NRG3: variants seen among roughly 807,000 people sequenced by gnomAD.
NRG3 encodes pro-neuregulin-3, membrane-bound isoform.
A neutral mutation model predicts 66.9 loss-of-function variants in NRG3; 31 were observed. The observed-to-expected ratio is 0.46, with a 90% confidence interval of 0.35 to 0.63. The LOEUF (loss-of-function observed/expected upper bound fraction) is 0.63. NRG3 is among the 20% of genes least tolerant of loss of function. NRG3 has a pLI of 0.00. For synonymous variants in NRG3, 393 were observed against 359.4 expected (o/e 1.09, Z -1.06); for missense variants, 910 against 878.9 (o/e 1.04, Z -0.45).
At chr10:82,917,508 G>T (rs955879415) in intron 4 of NRG3, among the ~76,000 whole-genome samples, 4 of 152,146 alleles carry the variant, frequency 2.6e-5, no homozygotes, top group Non-Finnish European at 5.9e-5. Flanking sequence ...TTAACCTGTA[G>T]CAGGTGGCAC....
rs142813398 is a variant in NRG3 at position 82,096,224 on chromosome 10, C to A, written c.823+220061C>A. On this transcript the variant is annotated intron_variant, in intron 1 of 8. Coordinates refer to ENST00000372141, the MANE Select transcript of NRG3 (RefSeq NM_001010848.4). ...GGGCACAGTGGCTCATGCCTGTAAT[C>A]CCAGCACTTTGGGAGGCTGAGGTGG... 9.9e-4 allele frequency among the ~76,000 whole-genome samples: 150 copies of A among 152,200 alleles called. 3 individuals carry two copies. The East Asian group carries it at 0.027, about 28-fold the overall frequency.
At chr10:82,403,554 C>G (rs181959637) in intron 2 of NRG3, among the ~76,000 whole-genome samples, 1 of 152,172 alleles carries the variant, frequency 6.6e-6, no homozygotes, top group Admixed American at 6.5e-5. Flanking sequence ...ACATTTTCCC[C>G]AATGACATCT....
intron 1 of NRG3, among the ~76,000 whole-genome samples, chr10:81,987,470 C>G (rs904570632): frequency 2.6e-5 from 4 of 152,192 alleles, no homozygotes; most frequent in African/African-American, 9.7e-5. Context: ...GAAACAATGA[C>G]TGCTATATTG....
At chr10:82,616,064 G>T (rs774812830) in intron 2 of NRG3, among the ~76,000 whole-genome samples, 35 of 152,124 alleles carry the variant, frequency 2.3e-4, no homozygotes, top group Non-Finnish European at 1.5e-4. Context: ...CATCCACAGG[G>T]ATGACTGCCA....
At chr10:82,233,694 C>T (rs1465798939) in intron 1 of NRG3, among the ~76,000 whole-genome samples, 2 of 152,178 alleles carry the variant, frequency 1.3e-5, no homozygotes, top group East Asian at 3.9e-4. Context: ...ACTCTTGCTT[C>T]TCCCTCAGTC....
chr10:82,714,310 A>T (rs193174493), intron 2 of NRG3, among the ~76,000 whole-genome samples: 1 of 152,322 alleles, frequency 6.6e-6, no homozygotes, highest in East Asian at 1.9e-4. Context: ...TGTTAAAAAA[A>T]AATGTGGATG....
At chr10:82,176,880 G>GACAC (rs142443398) in intron 1 of NRG3, among the ~76,000 whole-genome samples, 71,420 of 146,020 alleles carry the variant, frequency 0.49, 17,353 homozygotes, top group Middle Eastern at 0.61. Context: ...TTTAAAACAA[G>GACAC]ACACACACAC....
At chr10:82,624,918 T>TTATATA (rs569240183) in intron 2 of NRG3, among the ~76,000 whole-genome samples, 1 of 144,360 alleles carries the variant, frequency 6.9e-6, no homozygotes, top group East Asian at 2.0e-4. Flanking sequence ...TATATATATT[T>TTATATA]TATATATATA....
chr10:82,900,123 C>G (rs187165605), intron 4 of NRG3, among the ~76,000 whole-genome samples: 1 of 152,030 alleles, frequency 6.6e-6, no homozygotes, highest in Non-Finnish European at 1.5e-5. Context: ...TGGTGTCACA[C>G]TTTTAAAAGA....
chr10:82,666,006 C>A (rs1173633212), intron 2 of NRG3, among the ~76,000 whole-genome samples: 1 of 152,188 alleles, frequency 6.6e-6, no homozygotes, highest in East Asian at 1.9e-4. Context: ...AGGTTACAGG[C>A]ATGTGCCACC....
intron 2 of NRG3, among the ~76,000 whole-genome samples, chr10:82,496,864 C>G (rs1843677525): frequency 6.6e-6 from 1 of 152,138 alleles, no homozygotes; most frequent in Non-Finnish European, 1.5e-5. Flanking sequence ...GGATTTGAAT[C>G]TTTTAAAAAG....
chr10:82,371,193 C>T (rs866898794), intron 2 of NRG3, among the ~76,000 whole-genome samples: 10 of 152,026 alleles, frequency 6.6e-5, no homozygotes, highest in South Asian at 2.1e-4. Flanking sequence ...TATAGGGAAA[C>T]GCATTCTAGG....
intron 3 of NRG3, among the ~76,000 whole-genome samples, chr10:82,802,943 G>A (rs950987168): frequency 1.4e-4 from 21 of 152,028 alleles, no homozygotes; most frequent in Admixed American, 7.2e-4. Context: ...CAGAGTGTTG[G>A]GATTACAGAT....
chr10:82,464,881 C>T (rs1406120293), intron 2 of NRG3, among the ~76,000 whole-genome samples: 1 of 152,228 alleles, frequency 6.6e-6, no homozygotes, highest in African/African-American at 2.4e-5. Context: ...TTTCCCCCAG[C>T]TTCCAGCAGG....
intron 2 of NRG3, among the ~76,000 whole-genome samples, chr10:82,474,482 C>G (rs1841575063): frequency 6.6e-6 from 1 of 151,930 alleles, no homozygotes; most frequent in African/African-American, 2.4e-5. Context: ...GAAAATTTCA[C>G]TAGAAGGGTT....
chr10:82,193,890 G>A (rs2074304102), intron 1 of NRG3, among the ~76,000 whole-genome samples: 1 of 152,114 alleles, frequency 6.6e-6, no homozygotes, highest in African/African-American at 2.4e-5. Context: ...GAATAACCCT[G>A]GACCAGGGTG....
chr10:81,975,261 C>G (rs9971144), intron 1 of NRG3, among the ~76,000 whole-genome samples: 69,395 of 151,734 alleles, frequency 0.46, 20,089 homozygotes, highest in African/African-American at 0.78. Flanking sequence ...GTTGAGAGGA[C>G]AATGCAAACA....
chr10:82,629,275 G>C (rs985412000), intron 2 of NRG3, among the ~76,000 whole-genome samples: 2 of 152,098 alleles, frequency 1.3e-5, no homozygotes, highest in Admixed American at 6.6e-5. Context: ...AGTCCATTAA[G>C]GGATTCAAAT....
At chr10:81,955,733 C>G (rs1268658854) in intron 1 of NRG3, among the ~76,000 whole-genome samples, 1 of 151,846 alleles carries the variant, frequency 6.6e-6, no homozygotes, top group Non-Finnish European at 1.5e-5. Flanking sequence ...CCTTTTTTTC[C>G]AGCTAAACTT....
Sources: allele counts gnomAD v4.1 joint callset (sites outside exome capture counted in the v4.1 genomes callset), GRCh38; gene constraint gnomAD v4.1.1; transcripts MANE v1.5; gene names NCBI Gene and HGNC (gene_info 2026-07-23, HGNC 2026-07-21).